Variants in GAB1 observed in about 807,000 individuals in gnomAD.
GAB1 encodes GRB2-associated-binding protein 1.
A neutral mutation model predicts 66.5 loss-of-function variants in GAB1; 19 were observed. The observed-to-expected ratio is 0.29, with a 90% CI of 0.20 to 0.42. GAB1 has a LOEUF of 0.42. Ranked by LOEUF, GAB1 falls within the 10% of genes least tolerant of loss-of-function variation. GAB1 has a pLI of 1.00. For synonymous variants in GAB1, 294 were observed against 301.4 expected, an observed-to-expected ratio of 0.98 and a Z score of 0.25; for missense variants, 732 against 858.5, an observed-to-expected ratio of 0.85 and a Z score of 1.84.
At chr4:143,344,692 G>C (rs1265769623) in intron 1 of GAB1, among the ~76,000 whole-genome samples, 1 of 152,102 alleles carries the variant, frequency 6.6e-6, no homozygotes, top group African/African-American at 2.4e-5. Flanking sequence ...GAATTGCTGA[G>C]AAAAGTCATT....
At chr4:143,439,747 C>A in intron 4 of GAB1, 55 bp from the exon 5 acceptor site, 1 of 1,219,396 alleles carries the variant, frequency 8.2e-7, no homozygotes, top group Non-Finnish European at 1.2e-6. Flanking sequence ...ATCCCAATGA[C>A]CCTGAGAGCT....
rs1736108957 is a variant in GAB1 at position 143,472,177 on chromosome 4, A to G, written c.*2988A>G. 1 of 152,228 alleles carries G rather than the reference A, an allele frequency of 6.6e-6. No homozygotes were observed. The highest frequency in any genetic ancestry group is 6.5e-5 in the Admixed American group (1 of 15,282). The allele number at this position is 152,228 out of a possible 1,614,324, so 9.4% of individuals were successfully genotyped here. A position where few individuals can be genotyped will look rare whatever the true frequency, so the allele number is the denominator to read the frequency against. ...AAGATGTAAAAGATTTTTTAAATCT[A>G]CACTTCAGTTTATACATCTTTATCA... On this transcript the variant is annotated 3_prime_UTR_variant, in exon 10 of 10. Coordinates refer to ENST00000262994, the MANE Select transcript of GAB1 (RefSeq NM_002039.4).
At chr4:143,395,651 G>C (rs1578650034) in intron 1 of GAB1, 1 of 271,536 alleles carries the variant, frequency 3.7e-6, no homozygotes, top group African/African-American at 2.3e-5. Flanking sequence ...GTTTGTGAGA[G>C]CTTGTAAAAT....
intron 1 of GAB1, among the ~76,000 whole-genome samples, chr4:143,389,292 T>C (rs1731070951): frequency 6.6e-6 from 1 of 152,242 alleles, no homozygotes; most frequent in Non-Finnish European, 1.5e-5. Flanking sequence ...TGGAAAAGAA[T>C]TTATGTCATT....
At chr4:143,415,331 C>A (rs915238429) in intron 1 of GAB1, 146 bp from the exon 2 acceptor site, 7 of 621,964 alleles carry the variant, frequency 1.1e-5, no homozygotes, top group African/African-American at 1.8e-5. Flanking sequence ...GGCAGATTAT[C>A]CTGTGGTAAA....
chr4:143,451,473 C>T (rs1734927633), intron 6 of GAB1, among the ~76,000 whole-genome samples: 1 of 151,930 alleles, frequency 6.6e-6, no homozygotes, highest in Non-Finnish European at 1.5e-5. Context: ...TTTATGCAGG[C>T]ACATAAACTT....
chr4:143,363,110 ATGT>A (rs1729730636), intron 1 of GAB1, among the ~76,000 whole-genome samples: 1 of 152,206 alleles, frequency 6.6e-6, no homozygotes, highest in Non-Finnish European at 1.5e-5. Context: ...TCAAACCCGC[ATGT>A]ATCTGCTTCA....
chr4:143,415,225 T>G (rs751208020), intron 1 of GAB1, among the ~76,000 whole-genome samples: 1 of 152,214 alleles, frequency 6.6e-6, no homozygotes, highest in Non-Finnish European at 1.5e-5. Flanking sequence ...ATGTATTGCC[T>G]CAATATTATA....
intron 1 of GAB1, among the ~76,000 whole-genome samples, chr4:143,405,419 C>T (rs552843598): frequency 6.6e-6 from 1 of 152,144 alleles, no homozygotes; most frequent in East Asian, 1.9e-4. Context: ...GTTAGTTTCA[C>T]TTTTTGTTCA....
At chr4:143,384,380 A>G (rs1015824330) in intron 1 of GAB1, among the ~76,000 whole-genome samples, 3 of 152,194 alleles carry the variant, frequency 2.0e-5, no homozygotes, top group Non-Finnish European at 4.4e-5. Context: ...TCTTTCCTTT[A>G]AATTTGAAGT....
rs150522044 is a variant in GAB1 at position 143,370,622 on chromosome 4, G to A, written c.72+33362G>A. ...GTGCAAGTTTGTTACATATGTATAC[G>A]TGTGCCATGTTGGTGTGCTGCACCC... On this transcript the variant is annotated intron_variant, in intron 1 of 9. Transcript: ENST00000262994. Among the ~76,000 whole-genome samples, 1,474 of 152,086 alleles carry A rather than the reference G, an allele frequency of 9.7e-3. 21 individuals carry two copies. Among genetic ancestry groups the A allele is most frequent in the African/African-American group, 0.032 (1,329 of 41,464 alleles).
At chr4:143,360,733 C>T (rs1017076327) in intron 1 of GAB1, among the ~76,000 whole-genome samples, 2 of 151,918 alleles carry the variant, frequency 1.3e-5, no homozygotes, top group Non-Finnish European at 2.9e-5. Flanking sequence ...GTGACTTCTG[C>T]GGCAATTTTG....
At chr4:143,449,354 T>C (rs916534873) in intron 6 of GAB1, among the ~76,000 whole-genome samples, 10 of 151,858 alleles carry the variant, frequency 6.6e-5, no homozygotes, top group Admixed American at 6.6e-5. Flanking sequence ...TTGTTAACTT[T>C]CTGTCTCGTT....
At chr4:143,420,556 T>C (rs1177092042) in intron 2 of GAB1, among the ~76,000 whole-genome samples, 1 of 152,126 alleles carries the variant, frequency 6.6e-6, no homozygotes, top group East Asian at 1.9e-4. Context: ...CTTTAGTAGA[T>C]TTGAGGGTAG....
At chr4:143,433,031 C>A (rs1002537750) in intron 2 of GAB1, among the ~76,000 whole-genome samples, 3 of 152,130 alleles carry the variant, frequency 2.0e-5, no homozygotes, top group Non-Finnish European at 2.9e-5. Context: ...AAGAAAAGAA[C>A]GATCATCGAA....
chr4:143,363,161 CAT>C (rs1729732794), intron 1 of GAB1, among the ~76,000 whole-genome samples: 1 of 152,206 alleles, frequency 6.6e-6, no homozygotes. Flanking sequence ...CATTCCTCCT[CAT>C]AGAAATTTTG....
chr4:143,394,521 C>T (rs970004766), intron 1 of GAB1, among the ~76,000 whole-genome samples: 1 of 152,168 alleles, frequency 6.6e-6, no homozygotes, highest in African/African-American at 2.4e-5. Flanking sequence ...TTATATGTAA[C>T]TTGTGTTCCC....
In GAB1 at chr4:143,438,506, A is replaced by G. The variant is rs1391908316; in HGVS notation, c.1101A>G (p.Ser367=). Reference sequence around the variant, plus strand: ...CGTGTAGTATCCCACGCACCGCCTCAGACACTGACAGTAGTTACTGTATCC... The same window carrying G: ...CGTGTAGTATCCCACGCACCGCCTCGGACACTGACAGTAGTTACTGTATCC... ...VETCSIPRTA[S]DTDSSYCIPT... The change falls in exon 4 of 10, where the codon TCA becomes TCG. Residue 367 remains serine, a synonymous_variant. Transcript: ENST00000262994. The G allele has an allele frequency of 6.2e-7, 1 of 1,614,022 alleles. No individual in the cohort carries two copies. Among genetic ancestry groups the G allele is most frequent in the East Asian group, 2.2e-5 (1 of 44,868 alleles).
chr4:143,445,733 T>C (rs1185413723), intron 6 of GAB1, among the ~76,000 whole-genome samples: 2 of 152,168 alleles, frequency 1.3e-5, no homozygotes, highest in African/African-American at 2.4e-5. Context: ...GAGATGATCA[T>C]ATGTTTTTTG....
Sources: gnomAD v4.1 joint callset for allele counts (sites outside exome capture counted in the v4.1 genomes callset) on GRCh38, gnomAD v4.1.1 for gene constraint, MANE v1.5 for transcripts, NCBI Gene and HGNC (gene_info 2026-07-23, HGNC 2026-07-21) for gene names.